The following TCF12 variants were observed in gnomAD, a reference collection of about 807,000 sequenced individuals.
TCF12 encodes transcription factor 12.
TCF12 carries 45 observed loss-of-function variants against 86.0 expected under a neutral mutation model. The ratio of observed to expected loss-of-function variants is 0.52; its 90% CI spans 0.41 to 0.67. The LOEUF (loss-of-function observed/expected upper bound fraction) is 0.67, where lower values mean the gene tolerates loss of function less well. Ranked by LOEUF, TCF12 falls within the 30% of genes least tolerant of loss-of-function variation. TCF12 has a pLI of 0.00. For missense variants in TCF12, 881 were observed against 859.9 expected (o/e 1.02, Z -0.31); for synonymous variants, 330 against 299.6 (o/e 1.10, Z -1.05).
At chr15:57,117,781 A>G (rs2050944792) in intron 5 of TCF12, among the ~76,000 whole-genome samples, 1 of 152,224 alleles carries the variant, frequency 6.6e-6, no homozygotes, top group Admixed American at 6.5e-5. Flanking sequence ...TCATGCCATT[A>G]TTAATATGAA....
chr15:57,001,957 G>A (rs2064065671), intron 3 of TCF12, among the ~76,000 whole-genome samples: 1 of 152,180 alleles, frequency 6.6e-6, no homozygotes, highest in South Asian at 2.1e-4. Context: ...CGGATTGAAG[G>A]AGAGCATGAA....
In TCF12 at chr15:57,170,471, T is replaced by TA. The variant is rs770372621; in HGVS notation, c.390+4008dup. 1.6e-4 allele frequency among the ~76,000 whole-genome samples: 24 copies of TA among 149,930 alleles called. No homozygotes were observed. The East Asian group carries it at 3.3e-3, about 21-fold the overall frequency. ...ACCTATGTAGTAGGTCTCTGAAACT[T>TA]AAAGTGTATGCGCTTGTGAAAACAT... On this transcript the variant is annotated intron_variant, in intron 6 of 20. Transcript: ENST00000333725.
intron 3 of TCF12, among the ~76,000 whole-genome samples, chr15:57,017,845 A>T (rs1435251181): frequency 2.0e-5 from 3 of 151,244 alleles, no homozygotes; most frequent in Admixed American, 6.6e-5. Flanking sequence ...CTTTAAATAT[A>T]CATGTATATT....
Position 57,235,390 on chromosome 15 carries a change from G to A in TCF12, c.1035+1283G>A, listed in dbSNP as rs555299236. Among the ~76,000 whole-genome samples the A allele has an allele frequency of 6.6e-5, 10 of 152,202 alleles. No homozygotes were observed. In the East Asian group the frequency reaches 7.7e-4, roughly 12 times the overall value. On this transcript the variant is annotated intron_variant, in intron 12 of 20. Coordinates refer to ENST00000333725, the MANE Select transcript of TCF12 (RefSeq NM_207037.2). Reference sequence around the variant, plus strand: ...TGAGCTCAGAAAGATTAAGCAGCTCGCCCTAGGGGAATCATAAGCTAGCAT... The same window carrying A: ...TGAGCTCAGAAAGATTAAGCAGCTCACCCTAGGGGAATCATAAGCTAGCAT...
At chr15:57,159,815 T>C (rs1183633609) in intron 5 of TCF12, among the ~76,000 whole-genome samples, 1 of 152,232 alleles carries the variant, frequency 6.6e-6, no homozygotes. Context: ...ACAGAAATAA[T>C]GTTGGCTTCC....
At chr15:57,268,886 C>T (rs138023325) in intron 18 of TCF12, among the ~76,000 whole-genome samples, 188 of 151,302 alleles carry the variant, frequency 1.2e-3, no homozygotes, top group Non-Finnish European at 2.1e-3. Flanking sequence ...GTCTGAGAGA[C>T]GTTTTGTTGT....
At chr15:56,962,713 G>C (rs2061821496) in intron 3 of TCF12, among the ~76,000 whole-genome samples, 1 of 152,134 alleles carries the variant, frequency 6.6e-6, no homozygotes, top group African/African-American at 2.4e-5. Context: ...CATCTCTTAA[G>C]TTACTTTCTG....
At chr15:57,242,504 A>T (rs2059677893) in intron 12 of TCF12, among the ~76,000 whole-genome samples, 1 of 152,032 alleles carries the variant, frequency 6.6e-6, no homozygotes, top group East Asian at 1.9e-4. Flanking sequence ...ACAAAAACCC[A>T]TCCTAAAAAA....
Position 57,210,630 on chromosome 15 carries a change from C to G in TCF12, c.579+12805C>G, listed in dbSNP as rs113036829. ...CATTAGAGTATCGTGTTCTTTTATT[C>G]ATATAATCTTTATTCCCATTTTAAC... On this transcript the variant is annotated intron_variant, in intron 8 of 20. Coordinates refer to ENST00000333725, the MANE Select transcript of TCF12 (RefSeq NM_207037.2). Among the ~76,000 whole-genome samples, 480 of 152,218 alleles carry G rather than the reference C, an allele frequency of 3.2e-3. 1 individual carries two copies. Among genetic ancestry groups the G allele is most frequent in the African/African-American group, 0.011 (461 of 41,530 alleles).
rs1347427910 is a variant in TCF12 at position 57,286,187 on chromosome 15, G to A, written c.*42G>A. ...GAGTTATCAGTAGGCTAGATAGAAG[G>A]TGACCTCTCCTCATAAGGACTTGGA... On this transcript the variant is annotated 3_prime_UTR_variant, in exon 21 of 21. Coordinates refer to ENST00000333725, the MANE Select transcript of TCF12 (RefSeq NM_207037.2). 8 of 168,488 alleles carry A rather than the reference G, an allele frequency of 4.7e-5. No homozygotes were observed. The allele number at this position is 168,488 out of a possible 1,614,324, so 10.4% of individuals were successfully genotyped here.
chr15:56,952,732 C>T (rs1179190628), intron 3 of TCF12, among the ~76,000 whole-genome samples: 6 of 152,140 alleles, frequency 3.9e-5, no homozygotes, highest in Non-Finnish European at 8.8e-5. Context: ...ACTGTGCAGA[C>T]TAAACTCACT....
intron 3 of TCF12, among the ~76,000 whole-genome samples, chr15:57,058,257 CT>C (rs2141660472): frequency 6.6e-6 from 1 of 152,302 alleles, no homozygotes; most frequent in East Asian, 1.9e-4. Context: ...GCCCTGTACT[CT>C]TACTTCTTTG....
At chr15:57,131,549 A>G (rs2703620) in intron 5 of TCF12, among the ~76,000 whole-genome samples, 11,540 of 152,216 alleles carry the variant, frequency 0.076, 1,086 homozygotes, top group African/African-American at 0.23. Context: ...TTGTCTTTGT[A>G]TCCTCATAAA....
intron 5 of TCF12, among the ~76,000 whole-genome samples, chr15:57,110,835 T>G (rs1452664903): frequency 1.3e-5 from 2 of 152,200 alleles, no homozygotes; most frequent in African/African-American, 4.8e-5. Context: ...TTAAAAAGAT[T>G]GAAACACTCT....
chr15:56,973,200 A>G (rs1194360191), intron 3 of TCF12, among the ~76,000 whole-genome samples: 3 of 152,126 alleles, frequency 2.0e-5, no homozygotes, highest in South Asian at 2.1e-4. Flanking sequence ...CAGTCGATCA[A>G]CAATCAAAAT....
At position 57,064,908 on chromosome 15, in the gene TCF12, A is replaced by C. The variant is rs530094115; in HGVS notation, c.222+1085A>C. Among the ~76,000 whole-genome samples the C allele has an allele frequency of 9.9e-5, 15 of 152,230 alleles. No homozygotes were observed. The South Asian group carries it at 2.9e-3, about 29-fold the overall frequency. On this transcript the variant is annotated intron_variant, in intron 4 of 20. Coordinates refer to ENST00000333725, the MANE Select transcript of TCF12 (RefSeq NM_207037.2). ...TAACCAAGAGAAGAAAGAGACAAGC[A>C]TAAGATTTATGGGTAGTTAATCCTA...
At chr15:57,003,157 A>G (rs900870551) in intron 3 of TCF12, among the ~76,000 whole-genome samples, 1 of 152,176 alleles carries the variant, frequency 6.6e-6, no homozygotes, top group Non-Finnish European at 1.5e-5. Flanking sequence ...TCTGGAGGTA[A>G]TGTAACATAG....
At chr15:57,194,623 G>A (rs963564731) in intron 7 of TCF12, among the ~76,000 whole-genome samples, 11 of 152,190 alleles carry the variant, frequency 7.2e-5, no homozygotes, top group African/African-American at 2.4e-4. Flanking sequence ...CTGCATAACA[G>A]TATCTAATTA....
intron 3 of TCF12, among the ~76,000 whole-genome samples, chr15:56,927,871 A>G (rs1164743935): frequency 1.3e-5 from 2 of 152,346 alleles, no homozygotes; most frequent in East Asian, 3.9e-4. Flanking sequence ...TAATAATACA[A>G]AATTTTATTA....
Sources: gnomAD v4.1 joint callset for allele counts (sites outside exome capture counted in the v4.1 genomes callset) on GRCh38, gnomAD v4.1.1 for gene constraint, MANE v1.5 for transcripts, NCBI Gene and HGNC (gene_info 2026-07-23, HGNC 2026-07-21) for gene names.